ADAM22: variants seen among roughly 807,000 people sequenced by gnomAD.
The protein encoded by ADAM22 is ADAM metallopeptidase domain 22.
ADAM22 carries 65 observed loss-of-function variants against 144.6 expected under a neutral mutation model. The observed-to-expected ratio is 0.45, with a 90% confidence interval of 0.37 to 0.55. The LOEUF (loss-of-function observed/expected upper bound fraction) is 0.55. ADAM22 is among the 20% of genes least tolerant of loss of function. ADAM22 has a pLI of 0.00. For missense variants in ADAM22, 974 were observed against 1,184.9 expected (o/e 0.82, Z 2.61); for synonymous variants, 391 against 412.6 (o/e 0.95, Z 0.63).
At chr7:88,060,648 C>G (rs916467589) in intron 3 of ADAM22, among the ~76,000 whole-genome samples, 1 of 151,470 alleles carries the variant, frequency 6.6e-6, no homozygotes, top group African/African-American at 2.4e-5. Flanking sequence ...TGCCTGTAGT[C>G]TCAGGCTACT....
chr7:88,179,261 C>G, intron 27 of ADAM22, 132 bp downstream of exon 27: 1 of 441,840 alleles, frequency 2.3e-6, no homozygotes, highest in South Asian at 2.7e-5. Flanking sequence ...CAAAACAAAG[C>G]AAACCAAACA....
At chr7:87,999,640 A>T (rs1452314416) in intron 3 of ADAM22, among the ~76,000 whole-genome samples, 1 of 152,208 alleles carries the variant, frequency 6.6e-6, no homozygotes, top group Non-Finnish European at 1.5e-5. Flanking sequence ...ACAACATTTT[A>T]AAACTTAGAG....
intron 18 of ADAM22, among the ~76,000 whole-genome samples, chr7:88,150,322 T>C (rs1386410956): frequency 6.6e-6 from 1 of 152,224 alleles, no homozygotes; most frequent in Non-Finnish European, 1.5e-5. Context: ...TTTTGCAAAA[T>C]GGCACATGAT....
chr7:87,947,011 A>G (rs1004969318), intron 2 of ADAM22, among the ~76,000 whole-genome samples: 5 of 152,142 alleles, frequency 3.3e-5, no homozygotes, highest in African/African-American at 7.2e-5. Context: ...TTGGATACTC[A>G]TGGACATCAA....
chr7:88,080,709 AC>A, intron 4 of ADAM22, among the ~76,000 whole-genome samples: 1 of 152,232 alleles, frequency 6.6e-6, no homozygotes, highest in South Asian at 2.1e-4. Context: ...ATCAGAGAAT[AC>A]TACAAACACC....
chr7:88,151,964 T>C (rs981341711), intron 20 of ADAM22, among the ~76,000 whole-genome samples: 2 of 152,232 alleles, frequency 1.3e-5, no homozygotes, highest in African/African-American at 2.4e-5. Context: ...GAAGTACTAC[T>C]AGCCCAAACT....
chr7:87,961,729 C>A (rs754445111), intron 2 of ADAM22, among the ~76,000 whole-genome samples: 1 of 152,104 alleles, frequency 6.6e-6, no homozygotes, highest in South Asian at 2.1e-4. Context: ...TGTCTTTGAA[C>A]ATGTTAATAT....
At chr7:88,013,541 C>T (rs1295985322) in intron 3 of ADAM22, among the ~76,000 whole-genome samples, 1 of 152,174 alleles carries the variant, frequency 6.6e-6, no homozygotes, top group South Asian at 2.1e-4. Flanking sequence ...CTTCCCGCAT[C>T]AGCCTCCTGA....
At chr7:88,079,043 G>A (rs1441921154) in intron 4 of ADAM22, among the ~76,000 whole-genome samples, 1 of 152,126 alleles carries the variant, frequency 6.6e-6, no homozygotes, top group Non-Finnish European at 1.5e-5. Flanking sequence ...ACACATAATT[G>A]TCAGATTTAC....
chr7:88,091,116 G>T (rs1381400563), intron 4 of ADAM22, among the ~76,000 whole-genome samples: 1 of 152,130 alleles, frequency 6.6e-6, no homozygotes, highest in Non-Finnish European at 1.5e-5. Flanking sequence ...GAAAGATTAT[G>T]CTTTCATATA....
At position 88,155,905 on chromosome 7, in the gene ADAM22, C is replaced by T. The variant is rs572945578; in HGVS notation, c.1806C>T (p.Tyr602=). Residue 602 remains tyrosine, a synonymous_variant, in exon 22 of 32, where the codon TAC becomes TAT. Coordinates refer to ENST00000413139, the MANE Select transcript of ADAM22 (RefSeq NM_001324418.2). ...GATACAGGGATGTGCTTTGTGGTTA[C>T]CTTTTGTGTACCAATATTGGCAATA... The part of the protein sequence containing the change: ...QCNKRDVLCG[Y]LLCTNIGNIP... 30 of 1,612,998 alleles carry T rather than the reference C, an allele frequency of 1.9e-5. No individual in the cohort carries two copies. Among genetic ancestry groups the T allele is most frequent in the East Asian group, 4.5e-5 (2 of 44,812 alleles).
At chr7:88,153,356 TC>T (rs1435662229) in intron 21 of ADAM22, 30 bp downstream of exon 21, 1 of 1,562,824 alleles carries the variant, frequency 6.4e-7, no homozygotes, top group Admixed American at 1.8e-5. Context: ...CCAGAATTCA[TC>T]CCTTGGTCAA....
At chr7:88,194,103 G>C (rs540136618) in intron 31 of ADAM22, among the ~76,000 whole-genome samples, 2 of 152,192 alleles carry the variant, frequency 1.3e-5, no homozygotes, top group Non-Finnish European at 2.9e-5. Context: ...TAGATACCTA[G>C]TTGTTCATGA....
chr7:88,062,695 T>G (rs2129477072), intron 3 of ADAM22, among the ~76,000 whole-genome samples: 1 of 152,372 alleles, frequency 6.6e-6, no homozygotes, highest in South Asian at 2.1e-4. Flanking sequence ...ATCTTGGCTT[T>G]CAACATGCCT....
chr7:88,037,407 G>A (rs1801776968), intron 3 of ADAM22, among the ~76,000 whole-genome samples: 1 of 151,812 alleles, frequency 6.6e-6, no homozygotes, highest in Admixed American at 6.6e-5. Flanking sequence ...TGTTTCACAT[G>A]ATAGAGAAAA....
rs1449757764 is a variant in ADAM22 at position 88,198,026 on chromosome 7, C to T, written c.*1535C>T. On this transcript the variant is annotated 3_prime_UTR_variant, in exon 32 of 32. Transcript: ENST00000413139. Reference sequence around the variant, plus strand: ...TCATTCCAAAAGAAAGCTAGCTACCCTAGTGAGGCTGGAGATTGATGGGCT... The same window carrying T: ...TCATTCCAAAAGAAAGCTAGCTACCTTAGTGAGGCTGGAGATTGATGGGCT... 6.6e-6 allele frequency: 1 copy of T among 152,140 alleles called. No homozygotes were observed. The highest frequency in any genetic ancestry group is 6.5e-5 in the Admixed American group (1 of 15,276). 9.4% of individuals were successfully genotyped at this position (152,140 alleles called of 1,614,324 possible).
At chr7:88,152,674 T>TTTGTTGTTG (rs34456405) in intron 20 of ADAM22, among the ~76,000 whole-genome samples, 1 of 151,712 alleles carries the variant, frequency 6.6e-6, no homozygotes, top group African/African-American at 2.4e-5. Context: ...GCCAAATTCT[T>TTTGTTGTTG]TTGTTGTTGT....
intron 7 of ADAM22, among the ~76,000 whole-genome samples, chr7:88,118,905 A>G (rs552752623): frequency 6.6e-6 from 1 of 152,318 alleles, no homozygotes; most frequent in Non-Finnish European, 1.5e-5. Context: ...AGAAAACAAG[A>G]AATGGACAAA....
chr7:88,085,719 C>T (rs539149969), intron 4 of ADAM22, among the ~76,000 whole-genome samples: 20 of 152,286 alleles, frequency 1.3e-4, no homozygotes, highest in Non-Finnish European at 2.5e-4. Flanking sequence ...AAATAAAGCT[C>T]GGCCAGCTGT....
Sources: allele counts gnomAD v4.1 joint callset (sites outside exome capture counted in the v4.1 genomes callset), GRCh38; gene constraint gnomAD v4.1.1; transcripts MANE v1.5; gene names NCBI Gene and HGNC (gene_info 2026-07-23, HGNC 2026-07-21).